PTPRM: variants seen among roughly 807,000 people sequenced by gnomAD.
The protein encoded by PTPRM is protein tyrosine phosphatase receptor type M.
Under a neutral mutation model 186.7 loss-of-function variants are expected in PTPRM, and 47 were observed. That is an observed-to-expected ratio of 0.25 (90% CI 0.20 to 0.32). The LOEUF is 0.32. Among genes scored for constraint, PTPRM ranks in the 10% least tolerant of loss-of-function variants. The pLI is 1.00. For missense variants in PTPRM, 1,494 were observed against 1,865.0 expected, an observed-to-expected ratio of 0.80 and a Z score of 3.66; for synonymous variants, 668 against 674.9, an observed-to-expected ratio of 0.99 and a Z score of 0.16.
intron 2 of PTPRM, among the ~76,000 whole-genome samples, chr18:7,783,366 A>G (rs1568124986): frequency 1.3e-5 from 2 of 152,204 alleles, no homozygotes; most frequent in African/African-American, 2.4e-5. Context: ...CACCTTGGCA[A>G]TATGAGTCAA....
At chr18:7,942,237 C>G (rs537256223) in intron 5 of PTPRM, among the ~76,000 whole-genome samples, 2 of 149,178 alleles carry the variant, frequency 1.3e-5, no homozygotes, top group South Asian at 2.1e-4. Flanking sequence ...GAGCCAAGAT[C>G]GAGCTGCTGC....
chr18:7,964,650 C>G (rs2044220), intron 7 of PTPRM, among the ~76,000 whole-genome samples: 11,945 of 152,242 alleles, frequency 0.078, 512 homozygotes, highest in South Asian at 0.16. Flanking sequence ...GAAACACACT[C>G]CTATGGTGAA....
intron 11 of PTPRM, among the ~76,000 whole-genome samples, chr18:8,104,268 A>G (rs2091421365): frequency 6.6e-6 from 1 of 152,228 alleles, no homozygotes; most frequent in East Asian, 1.9e-4. Flanking sequence ...GTGCCTTATT[A>G]AGCTGGGTAC....
chr18:8,244,521 T>A (rs2094460116), intron 15 of PTPRM, among the ~76,000 whole-genome samples: 1 of 152,208 alleles, frequency 6.6e-6, no homozygotes, highest in South Asian at 2.1e-4. Flanking sequence ...TCTTGTTGTT[T>A]AGATCCCATT....
Position 8,258,329 on chromosome 18 carries a change from G to A in PTPRM, c.2754+4915G>A, listed in dbSNP as rs182356605. On this transcript the variant is annotated intron_variant, in intron 19 of 32. Coordinates refer to ENST00000580170, the MANE Select transcript of PTPRM (RefSeq NM_001105244.2). ...ACGAGGGACAGACAGGTCAGACTCA[G>A]CCACCCTGCCCCACGCAGACTTCTG... Among the ~76,000 whole-genome samples the A allele has an allele frequency of 1.5e-4, 23 of 152,284 alleles. No homozygotes were observed. The East Asian group carries it at 4.3e-3, about 28-fold the overall frequency.
At chr18:7,888,030 A>G (rs1243487981) in intron 2 of PTPRM, 76 bp from the exon 3 acceptor site, 3 of 1,570,908 alleles carry the variant, frequency 1.9e-6, no homozygotes, top group African/African-American at 2.7e-5. Flanking sequence ...CAACCCATGT[A>G]AATGGTGGTG....
intron 24 of PTPRM, 147 bp from the exon 25 acceptor site, chr18:8,375,899 A>C: frequency 1.3e-6 from 1 of 796,098 alleles, no homozygotes. Context: ...GTGAGATCTA[A>C]GGATGGCCTC....
At chr18:8,189,077 A>G (rs1270742806) in intron 14 of PTPRM, among the ~76,000 whole-genome samples, 1 of 152,072 alleles carries the variant, frequency 6.6e-6, no homozygotes, top group Non-Finnish European at 1.5e-5. Context: ...AGGCCGTGGC[A>G]GGAGGATCAC....
At chr18:8,205,088 A>C (rs1298362659) in intron 14 of PTPRM, among the ~76,000 whole-genome samples, 2 of 152,230 alleles carry the variant, frequency 1.3e-5, no homozygotes, top group African/African-American at 4.8e-5. Context: ...ACAATTAGAC[A>C]GTCGTTCTAG....
At chr18:7,663,109 A>G (rs1210519430) in intron 1 of PTPRM, among the ~76,000 whole-genome samples, 1 of 152,170 alleles carries the variant, frequency 6.6e-6, no homozygotes, top group East Asian at 1.9e-4. Flanking sequence ...ACTGGTCAGG[A>G]GCAAGGAAGG....
chr18:7,876,112 A>G (rs1186524937), intron 2 of PTPRM, among the ~76,000 whole-genome samples: 1 of 128,204 alleles, frequency 7.8e-6, no homozygotes, highest in Non-Finnish European at 1.6e-5. Flanking sequence ...TAAGTGATGC[A>G]TGACTGTGTG....
chr18:8,396,538 CAG>C (rs1309898571), intron 32 of PTPRM, among the ~76,000 whole-genome samples: 2 of 152,102 alleles, frequency 1.3e-5, no homozygotes, highest in Non-Finnish European at 2.9e-5. Flanking sequence ...CGCTGAAGGA[CAG>C]GGGTGATTTT....
intron 7 of PTPRM, among the ~76,000 whole-genome samples, chr18:8,052,490 TA>T (rs2148277696): frequency 6.6e-6 from 1 of 152,314 alleles, no homozygotes; most frequent in East Asian, 1.9e-4. Context: ...GTTTGTAACC[TA>T]GGGGCAGTAG....
intron 20 of PTPRM, among the ~76,000 whole-genome samples, chr18:8,306,357 A>T (rs72916875): frequency 0.059 from 8,977 of 152,262 alleles, 301 homozygotes; most frequent in East Asian, 0.1. Context: ...GTGCAGATGC[A>T]TGTGAGTTGT....
At chr18:7,611,652 A>G (rs1287751483) in intron 1 of PTPRM, among the ~76,000 whole-genome samples, 2 of 152,104 alleles carry the variant, frequency 1.3e-5, no homozygotes, top group Non-Finnish European at 2.9e-5. Flanking sequence ...TGTGGGAGGA[A>G]CCTGGTGGGA....
At chr18:8,359,600 AG>A (rs1230545194) in intron 23 of PTPRM, among the ~76,000 whole-genome samples, 1 of 152,244 alleles carries the variant, frequency 6.6e-6, no homozygotes, top group Non-Finnish European at 1.5e-5. Context: ...GGGTACATAC[AG>A]GTGGTCACCT....
rs752361733 is a variant in PTPRM at position 8,384,543 on chromosome 18, T to C, written c.3919-18T>C. 6.2e-7 allele frequency: 1 copy of C among 1,613,850 alleles called. No individual in the cohort carries two copies. Among genetic ancestry groups the C allele is most frequent in the Admixed American group, 1.7e-5 (1 of 60,022 alleles). Reference sequence around the variant, plus strand: ...TTCCTCTTATAACTAACCTTGTGTTTATATGTTTTGAATTCAGTTGTGTCC... The same window carrying C: ...TTCCTCTTATAACTAACCTTGTGTTCATATGTTTTGAATTCAGTTGTGTCC... On this transcript the variant is annotated intron_variant, in intron 29 of 32. Coordinates refer to ENST00000580170, the MANE Select transcript of PTPRM (RefSeq NM_001105244.2).
At chr18:8,167,719 A>C (rs557945990) in intron 14 of PTPRM, among the ~76,000 whole-genome samples, 6 of 127,498 alleles carry the variant, frequency 4.7e-5, no homozygotes, top group Non-Finnish European at 9.6e-5. Flanking sequence ...GCACTTTAGC[A>C]AGTGAAATAT....
At chr18:7,833,969 T>G (rs545303232) in intron 2 of PTPRM, among the ~76,000 whole-genome samples, 1 of 152,316 alleles carries the variant, frequency 6.6e-6, no homozygotes, top group East Asian at 1.9e-4. Flanking sequence ...CTTGCCTGAT[T>G]GTTCTAGCTA....
Sources: gnomAD v4.1 joint callset for allele counts (sites outside exome capture counted in the v4.1 genomes callset) on GRCh38, gnomAD v4.1.1 for gene constraint, MANE v1.5 for transcripts, NCBI Gene and HGNC (gene_info 2026-07-23, HGNC 2026-07-21) for gene names.